CAMTA1: variants seen among roughly 807,000 people sequenced by gnomAD.
CAMTA1 encodes the protein calmodulin binding transcription activator 1.
CAMTA1 carries 27 observed loss-of-function variants against 170.9 expected under a neutral mutation model. The ratio of observed to expected loss-of-function variants is 0.16; its 90% CI spans 0.12 to 0.22. The LOEUF (loss-of-function observed/expected upper bound fraction) is 0.22. CAMTA1 is among the 10% of genes least tolerant of loss of function. The pLI, the probability that CAMTA1 is intolerant of heterozygous loss-of-function variation, is 1.00. For synonymous variants in CAMTA1, 833 were observed against 891.5 expected (o/e 0.93, Z 1.17); for missense variants, 1,619 against 2,217.2 (o/e 0.73, Z 5.42).
chr1:7,759,481 A>G, intron 22 of CAMTA1, among the ~76,000 whole-genome samples: 1 of 151,132 alleles, frequency 6.6e-6, no homozygotes, highest in Non-Finnish European at 1.5e-5. Context: ...AAATTAACAA[A>G]CTCTCGATAC....
At chr1:6,802,976 C>T (rs1040673121) in intron 1 of CAMTA1, among the ~76,000 whole-genome samples, 26 of 152,178 alleles carry the variant, frequency 1.7e-4, no homozygotes, top group Non-Finnish European at 1.5e-5. Context: ...GAACTCTTGG[C>T]CAGCTCAAGC....
intron 3 of CAMTA1, among the ~76,000 whole-genome samples, chr1:6,890,988 T>C (rs1361118903): frequency 6.6e-6 from 1 of 152,158 alleles, no homozygotes; most frequent in Non-Finnish European, 1.5e-5. Flanking sequence ...AGCTGTGAAA[T>C]AGTCACAGAT....
At chr1:6,885,892 G>A (rs887552720) in intron 3 of CAMTA1, among the ~76,000 whole-genome samples, 7 of 152,114 alleles carry the variant, frequency 4.6e-5, no homozygotes, top group Non-Finnish European at 1.0e-4. Context: ...AGGGCAGCCC[G>A]CATGCCACTC....
At chr1:7,486,673 G>A (rs552234578) in intron 6 of CAMTA1, among the ~76,000 whole-genome samples, 258 of 152,324 alleles carry the variant, frequency 1.7e-3, no homozygotes, top group Middle Eastern at 3.4e-3. Context: ...CAGGCTCCCT[G>A]TCTGTCCTGT....
intron 4 of CAMTA1, among the ~76,000 whole-genome samples, chr1:7,125,949 A>G (rs1044988835): frequency 6.6e-6 from 1 of 152,184 alleles, no homozygotes; most frequent in African/African-American, 2.4e-5. Context: ...TATAAAGAAA[A>G]AGAGGTTTGA....
At chr1:7,231,091 C>G (rs185393260) in intron 4 of CAMTA1, among the ~76,000 whole-genome samples, 1 of 152,106 alleles carries the variant, frequency 6.6e-6, no homozygotes, top group African/African-American at 2.4e-5. Flanking sequence ...CGAGTCTGAT[C>G]GTGGGATGAG....
chr1:7,060,314 C>T (rs920700003), intron 3 of CAMTA1, among the ~76,000 whole-genome samples: 24 of 152,202 alleles, frequency 1.6e-4, no homozygotes, highest in African/African-American at 5.8e-4. Flanking sequence ...CTTGCCCTGT[C>T]CTCACATGGC....
intron 5 of CAMTA1, among the ~76,000 whole-genome samples, chr1:7,261,114 A>G (rs1229712052): frequency 6.6e-6 from 1 of 152,238 alleles, no homozygotes; most frequent in Non-Finnish European, 1.5e-5. Context: ...TAGGGAGCGT[A>G]CATATCAATA....
intron 3 of CAMTA1, among the ~76,000 whole-genome samples, chr1:6,959,537 A>T (rs1196927568): frequency 6.6e-6 from 1 of 152,150 alleles, no homozygotes; most frequent in Non-Finnish European, 1.5e-5. Flanking sequence ...TGCCAGTGAG[A>T]TTTGCCTCAG....
intron 3 of CAMTA1, among the ~76,000 whole-genome samples, chr1:6,840,026 C>A (rs1476581209): frequency 6.6e-6 from 1 of 152,130 alleles, no homozygotes; most frequent in East Asian, 1.9e-4. Context: ...CATGATGAAA[C>A]CCCATCTCTA....
intron 5 of CAMTA1, among the ~76,000 whole-genome samples, chr1:7,278,816 T>C (rs1402195287): frequency 1.3e-5 from 2 of 152,214 alleles, no homozygotes; most frequent in African/African-American, 4.8e-5. Context: ...GTAGAGGAGA[T>C]ACAATTTAAT....
intron 4 of CAMTA1, among the ~76,000 whole-genome samples, chr1:7,137,238 C>T (rs566901595): frequency 1.3e-5 from 2 of 152,330 alleles, no homozygotes; most frequent in South Asian, 2.1e-4. Flanking sequence ...TTATTCGAAA[C>T]CTTCACTGCT....
At chr1:7,111,073 G>T (rs1309602106) in intron 4 of CAMTA1, among the ~76,000 whole-genome samples, 1 of 152,148 alleles carries the variant, frequency 6.6e-6, no homozygotes, top group East Asian at 1.9e-4. Flanking sequence ...TTGGCTCTGG[G>T]TCCCTTCCCC....
At position 7,665,097 on chromosome 1, in the gene CAMTA1, G is replaced by A; in HGVS notation, c.2550G>A (p.Glu850=). ...ASTMAYMHVA[E]VVSAASAQGT... ...CCATGGCCTACATGCACGTCGCCGA[G>A]GTGGTCTCGGCCGCCTCGGCCCAGG... The change falls in exon 9 of 23, where the codon GAG becomes GAA. Residue 850 remains glutamate (E), a synonymous_variant. Coordinates refer to ENST00000303635, the MANE Select transcript of CAMTA1 (RefSeq NM_015215.4). The surrounding 1 kb of genome is among the most constrained non-coding windows in gnomAD (Gnocchi z 4.3). 6.5e-7 allele frequency: 1 copy of A among 1,541,300 alleles called. No homozygotes were observed. The highest frequency in any genetic ancestry group is 8.7e-7 in the Non-Finnish European group (1 of 1,145,246).
chr1:7,377,907 T>G (rs772723781), intron 5 of CAMTA1, among the ~76,000 whole-genome samples: 1 of 152,008 alleles, frequency 6.6e-6, no homozygotes, highest in Admixed American at 6.6e-5. Flanking sequence ...GGTGACAGAG[T>G]GAGAGCCTGT....
chr1:7,321,692 C>G (rs1268501301), intron 5 of CAMTA1, among the ~76,000 whole-genome samples: 2 of 152,172 alleles, frequency 1.3e-5, no homozygotes, highest in Non-Finnish European at 2.9e-5. Flanking sequence ...TCACACCATC[C>G]CCAGGGATCC....
chr1:7,163,187 G>T (rs1647593188), intron 4 of CAMTA1, among the ~76,000 whole-genome samples: 1 of 151,768 alleles, frequency 6.6e-6, no homozygotes, highest in Non-Finnish European at 1.5e-5. Context: ...GATAGTCCTG[G>T]TGCCAAAGAC....
intron 22 of CAMTA1, among the ~76,000 whole-genome samples, chr1:7,759,888 A>G (rs2096961707): frequency 6.6e-6 from 1 of 152,200 alleles, no homozygotes; most frequent in African/African-American, 2.4e-5. Context: ...TAAGACATTT[A>G]TTTTTCGTGG....
intron 3 of CAMTA1, among the ~76,000 whole-genome samples, chr1:7,032,085 C>T (rs1223712925): frequency 2.6e-5 from 4 of 152,094 alleles, no homozygotes; most frequent in East Asian, 1.9e-4. Flanking sequence ...CCTCCCTCAG[C>T]CTCCTGAGTA....
Sources: allele counts gnomAD v4.1 joint callset (sites outside exome capture counted in the v4.1 genomes callset), GRCh38; gene constraint gnomAD v4.1.1; non-coding constraint Gnocchi (gnomAD v3.1); transcripts MANE v1.5; gene names NCBI Gene and HGNC (gene_info 2026-07-23, HGNC 2026-07-21).